The following AKAP13 variants were observed in gnomAD, a reference collection of about 807,000 sequenced individuals.
AKAP13 encodes A-kinase anchoring protein 13, also known as A-kinase anchor protein 13.
In AKAP13, 80 loss-of-function variants were observed where a neutral mutation model predicts 264.5. That is an observed-to-expected ratio of 0.30 (90% confidence interval 0.25 to 0.36). The LOEUF (loss-of-function observed/expected upper bound fraction) is 0.36, where lower values mean the gene tolerates loss of function less well. Ranked by LOEUF, AKAP13 falls within the 10% of genes least tolerant of loss-of-function variation. The pLI is 1.00. For missense variants in AKAP13, 3,712 were observed against 3,435.2 expected (o/e 1.08, Z -2.01); for synonymous variants, 1,380 against 1,250.2 (o/e 1.10, Z -2.19).
intron 5 of AKAP13, among the ~76,000 whole-genome samples, chr15:85,553,931 C>T (rs1211347574): frequency 6.6e-6 from 1 of 152,210 alleles, no homozygotes; most frequent in East Asian, 1.9e-4. Context: ...GGAACAGTTT[C>T]ATCCCAGAAC....
At chr15:85,486,736 GTTCTTTTT>G (rs1567082573) in intron 2 of AKAP13, among the ~76,000 whole-genome samples, 1 of 93,876 alleles carries the variant, frequency 1.1e-5, no homozygotes, top group African/African-American at 3.7e-5. Flanking sequence ...TAATTGTTCA[GTTCTTTTT>G]TTTTTTTTTT....
intron 1 of AKAP13, among the ~76,000 whole-genome samples, chr15:85,407,052 T>C (rs1201053739): frequency 1.3e-5 from 2 of 151,740 alleles, no homozygotes; most frequent in East Asian, 1.9e-4. Flanking sequence ...TATAAGCTCA[T>C]TGAAGAAATA....
chr15:85,591,000 T>C (rs1169789143), intron 8 of AKAP13, among the ~76,000 whole-genome samples: 1 of 152,196 alleles, frequency 6.6e-6, no homozygotes, highest in Non-Finnish European at 1.5e-5. Context: ...TTGAACATGT[T>C]ATAAAAGCTT....
intron 11 of AKAP13, among the ~76,000 whole-genome samples, chr15:85,656,818 A>G (rs941111090): frequency 6.6e-5 from 10 of 152,204 alleles, no homozygotes; most frequent in Admixed American, 5.2e-4. Flanking sequence ...AAGAATGAGT[A>G]TGGTAGTGCC....
At chr15:85,480,162 T>C (rs2075305297) in intron 1 of AKAP13, among the ~76,000 whole-genome samples, 1 of 152,264 alleles carries the variant, frequency 6.6e-6, no homozygotes, top group Non-Finnish European at 1.5e-5. Flanking sequence ...ACTTAACATT[T>C]TGGTGTTCGT....
At chr15:85,516,275 G>A (rs115486754) in intron 2 of AKAP13, among the ~76,000 whole-genome samples, 52 of 152,242 alleles carry the variant, frequency 3.4e-4, no homozygotes, top group African/African-American at 1.3e-3. Context: ...TCTTCAAAAC[G>A]ACCTTATGAG....
At chr15:85,518,043 T>G in intron 2 of AKAP13, among the ~76,000 whole-genome samples, 1 of 152,212 alleles carries the variant, frequency 6.6e-6, no homozygotes, top group East Asian at 1.9e-4. Context: ...TTGATCTATT[T>G]TATTTTATTT....
At chr15:85,401,373 G>C (rs2071413881) in intron 1 of AKAP13, among the ~76,000 whole-genome samples, 1 of 152,118 alleles carries the variant, frequency 6.6e-6, no homozygotes, top group African/African-American at 2.4e-5. Context: ...AGAATTTTGA[G>C]GACGTCTCCT....
At chr15:85,693,244 A>T in intron 16 of AKAP13, 33 bp from the exon 17 acceptor site, 1 of 1,567,634 alleles carries the variant, frequency 6.4e-7, no homozygotes, top group South Asian at 1.2e-5. Flanking sequence ...CCAGTGTTCA[A>T]TTAACTGTGG....
intron 8 of AKAP13, chr15:85,624,729 T>C (rs1022811888): frequency 3.3e-5 from 5 of 152,188 alleles, no homozygotes; most frequent in African/African-American, 1.2e-4. Flanking sequence ...AGCTGTATTA[T>C]TAGGATGTTC....
chr15:85,713,136 A>T (rs1015116502), intron 19 of AKAP13, among the ~76,000 whole-genome samples: 3 of 152,222 alleles, frequency 2.0e-5, no homozygotes, highest in African/African-American at 7.2e-5. Flanking sequence ...AAATAAGGAA[A>T]CAGCAATATT....
chr15:85,582,501 T>C (rs1263750688), intron 7 of AKAP13, among the ~76,000 whole-genome samples: 2 of 152,210 alleles, frequency 1.3e-5, no homozygotes, highest in African/African-American at 4.8e-5. Context: ...AAGCTGTGTT[T>C]TATCTACAAG....
At chr15:85,450,070 T>C (rs2074029271) in intron 1 of AKAP13, among the ~76,000 whole-genome samples, 2 of 152,076 alleles carry the variant, frequency 1.3e-5, no homozygotes, top group South Asian at 4.2e-4. Flanking sequence ...GTTGGTATGC[T>C]TTTATTACTG....
rs145983018 is a variant in AKAP13, at chr15:85,696,859, T to A, written c.5464+3408T>A. On this transcript the variant is annotated intron_variant, in intron 17 of 36. Coordinates refer to ENST00000394518, the MANE Select transcript of AKAP13 (RefSeq NM_007200.5). ...GGGAGCTGGGACTGAGACCCCTGTATAAGAAATGCTGTTTTAAGACTAACA... is the reference window on the plus strand; with the variant it reads ...GGGAGCTGGGACTGAGACCCCTGTAAAAGAAATGCTGTTTTAAGACTAACA... 6.2e-3 allele frequency among the ~76,000 whole-genome samples: 948 copies of A among 152,228 alleles called. 10 individuals are homozygous for A. The highest frequency in any genetic ancestry group is 0.021 in the African/African-American group (891 of 41,540).
chr15:85,549,191 T>A (rs958591811), intron 5 of AKAP13, among the ~76,000 whole-genome samples: 3 of 152,226 alleles, frequency 2.0e-5, no homozygotes, highest in African/African-American at 7.2e-5. Flanking sequence ...TATTCCCTAG[T>A]GTAATAGATA....
At chr15:85,447,131 G>A (rs570072741) in intron 1 of AKAP13, among the ~76,000 whole-genome samples, 3 of 152,220 alleles carry the variant, frequency 2.0e-5, no homozygotes, top group Non-Finnish European at 2.9e-5. Context: ...GCTGGGCGTG[G>A]TGGTGCGCAC....
intron 8 of AKAP13, among the ~76,000 whole-genome samples, chr15:85,598,727 C>A (rs1198388128): frequency 6.6e-6 from 1 of 152,162 alleles, no homozygotes. Context: ...CAGGAGTTGA[C>A]ACCTGGGTCG....
rs575236175 is a variant in AKAP13, at chr15:85,615,129, T to C, written c.4162-24245T>C. On this transcript the variant is annotated intron_variant, in intron 8 of 36. Coordinates refer to ENST00000394518, the MANE Select transcript of AKAP13 (RefSeq NM_007200.5). Reference sequence around the variant, plus strand: ...AGTTTACGAAGATACTTTTTTCTTATATTGTTCCATATTAGTTTGTTGTTA... The same window carrying C: ...AGTTTACGAAGATACTTTTTTCTTACATTGTTCCATATTAGTTTGTTGTTA... 1.5e-3 allele frequency among the ~76,000 whole-genome samples: 234 copies of C among 152,370 alleles called. 2 individuals are homozygous for C. Among genetic ancestry groups the C allele is most frequent in the African/African-American group, 5.5e-3 (227 of 41,590 alleles).
chr15:85,720,826 T>C (rs1289940249), intron 23 of AKAP13, among the ~76,000 whole-genome samples: 5 of 152,220 alleles, frequency 3.3e-5, no homozygotes, highest in Non-Finnish European at 7.3e-5. Context: ...TGAGCATCTA[T>C]TAAATGCCAG....
Sources: allele counts gnomAD v4.1 joint callset (sites outside exome capture counted in the v4.1 genomes callset), GRCh38; gene constraint gnomAD v4.1.1; transcripts MANE v1.5; gene names NCBI Gene and HGNC (gene_info 2026-07-23, HGNC 2026-07-21).